The following STAT4 variants were observed in gnomAD, a reference collection of about 807,000 sequenced individuals.
STAT4 encodes signal transducer and activator of transcription 4.
STAT4 carries 42 observed loss-of-function variants against 110.5 expected under a neutral mutation model. The observed-to-expected ratio is 0.38, with a 90% confidence interval of 0.30 to 0.49. STAT4 has a LOEUF of 0.49. Among genes scored for constraint, STAT4 ranks in the 20% least tolerant of loss-of-function variants. STAT4 has a pLI of 0.95. For missense variants in STAT4, 632 were observed against 887.9 expected (o/e 0.71, Z 3.66); for synonymous variants, 284 against 302.2 (o/e 0.94, Z 0.63).
At chr2:191,047,484 T>C (rs538163004) in intron 14 of STAT4, among the ~76,000 whole-genome samples, 2 of 152,224 alleles carry the variant, frequency 1.3e-5, no homozygotes, top group Admixed American at 1.3e-4. Context: ...TAAAGAGTGT[T>C]AGAATTGGGT....
At chr2:191,087,939 A>C (rs954400065) in intron 3 of STAT4, among the ~76,000 whole-genome samples, 6 of 152,206 alleles carry the variant, frequency 3.9e-5, no homozygotes, top group African/African-American at 1.4e-4. Context: ...AATATACTTA[A>C]TGGTCAGAAA....
Position 191,143,292 on chromosome 2 carries a change from C to T in STAT4, c.273+3321G>A, listed in dbSNP as rs1013272319. Among the ~76,000 whole-genome samples, 1 of 152,168 alleles carries T rather than the reference C, an allele frequency of 6.6e-6. No individual in the cohort carries two copies. The highest frequency in any genetic ancestry group is 2.4e-5 in the African/African-American group (1 of 41,426). Reference sequence around the variant, plus strand: ...TTTTAGAATCAATTATCTCCATACTCCTAACATTTCTGTGAGGAAAGTACC... The same window carrying T: ...TTTTAGAATCAATTATCTCCATACTTCTAACATTTCTGTGAGGAAAGTACC... On this transcript the variant is annotated intron_variant, in intron 3 of 23. Transcript: ENST00000392320. This position sits in a 1 kb window ranked among gnomAD's most constrained non-coding sequence, Gnocchi z 5.6.
chr2:191,142,940 C>T lies in STAT4; in HGVS notation c.273+3673G>A, dbSNP rs952280920. ...CATTGTCAAAACCCATAAAATTATACAACACAAGGAGTGAATCTTAATGTA... is the reference window on the plus strand; with the variant it reads ...CATTGTCAAAACCCATAAAATTATATAACACAAGGAGTGAATCTTAATGTA... On this transcript the variant is annotated intron_variant, in intron 3 of 23. Coordinates refer to ENST00000392320, the MANE Select transcript of STAT4 (RefSeq NM_003151.4). This position sits in a 1 kb window ranked among gnomAD's most constrained non-coding sequence, Gnocchi z 4.1. 6.6e-6 allele frequency among the ~76,000 whole-genome samples: 1 copy of T among 151,992 alleles called. No individual in the cohort carries two copies.
rs1285264112 is a variant in STAT4, at chr2:191,032,412, G to A, written c.2044+546C>T. 1.3e-5 allele frequency: 2 copies of A among 152,326 alleles called. No homozygotes were observed. Among genetic ancestry groups the A allele is most frequent in the African/African-American group, 4.8e-5 (2 of 41,438 alleles). The allele number at this position is 152,326 out of a possible 1,614,324, so 9.4% of individuals were successfully genotyped here. On this transcript the variant is annotated intron_variant, in intron 21 of 23. Coordinates refer to ENST00000392320, the MANE Select transcript of STAT4 (RefSeq NM_003151.4). This position sits in a 1 kb window ranked among gnomAD's most constrained non-coding sequence, Gnocchi z 4.9. The stretch of plus-strand genomic sequence containing the variant: ...AGCCAGACATTGCTCTAGGTCCTAG[G>A]ATACAACCAGGAAAGGTAGGCTGGG...
At chr2:191,121,079 A>G (rs1290005482) in intron 3 of STAT4, among the ~76,000 whole-genome samples, 3 of 152,220 alleles carry the variant, frequency 2.0e-5, no homozygotes, top group African/African-American at 7.2e-5. Context: ...TTACAAGAAA[A>G]AAACAAACAA....
intron 16 of STAT4, among the ~76,000 whole-genome samples, chr2:191,038,745 T>G (rs1696110857): frequency 6.6e-6 from 1 of 152,172 alleles, no homozygotes; most frequent in Non-Finnish European, 1.5e-5. Context: ...GTAATCCACT[T>G]GAAAATGTGC....
chr2:191,131,442 A>G, intron 3 of STAT4: 1 of 161,198 alleles, frequency 6.2e-6, no homozygotes, highest in Non-Finnish European at 1.3e-5. Context: ...AACCACGCTG[A>G]GTGAAGAAAG....
At chr2:191,136,962 C>T (rs192516867) in intron 3 of STAT4, among the ~76,000 whole-genome samples, 1 of 152,072 alleles carries the variant, frequency 6.6e-6, no homozygotes, top group African/African-American at 2.4e-5. Flanking sequence ...ATTTATAATA[C>T]CTATAAAAAA....
intron 3 of STAT4, among the ~76,000 whole-genome samples, chr2:191,087,927 G>A (rs774363027): frequency 7.9e-5 from 12 of 152,138 alleles, no homozygotes; most frequent in Admixed American, 2.6e-4. Flanking sequence ...AAATCTACAG[G>A]TAATATACTT....
In STAT4 at chr2:191,104,766, C is replaced by G. The variant is rs946694341; in HGVS notation, c.274-28441G>C. 6.6e-6 allele frequency among the ~76,000 whole-genome samples: 1 copy of G among 152,112 alleles called. No individual in the cohort carries two copies. Among genetic ancestry groups the G allele is most frequent in the Non-Finnish European group, 1.5e-5 (1 of 68,008 alleles). On this transcript the variant is annotated intron_variant, in intron 3 of 23. Coordinates refer to ENST00000392320, the MANE Select transcript of STAT4 (RefSeq NM_003151.4). The surrounding 1 kb of genome is among the most constrained non-coding windows in gnomAD (Gnocchi z 4.3). ...CTTTGCAAAGATTCTCTCTATTACT[C>G]TTTTATTTTGCTGCCAACTGGTAAA...
At chr2:191,047,161 G>A (rs1197018601) in intron 14 of STAT4, among the ~76,000 whole-genome samples, 2 of 152,198 alleles carry the variant, frequency 1.3e-5, no homozygotes, top group Non-Finnish European at 2.9e-5. Context: ...GGTGCTAGGA[G>A]GGTGGCGCAC....
In STAT4 at chr2:191,091,609, A is replaced by G. The variant is rs528740380; in HGVS notation, c.274-15284T>C. On this transcript the variant is annotated intron_variant, in intron 3 of 23. Transcript: ENST00000392320. This position sits in a 1 kb window ranked among gnomAD's most constrained non-coding sequence, Gnocchi z 5.4. The stretch of plus-strand genomic sequence containing the variant: ...TGATCTTAAAGTTCATATGTGACAG[A>G]AAATGTCTGACAACAGCTATGATAG... Among the ~76,000 whole-genome samples the G allele has an allele frequency of 6.6e-6, 1 of 152,336 alleles. No homozygotes were observed. Among genetic ancestry groups the G allele is most frequent in the Non-Finnish European group, 1.5e-5 (1 of 68,028 alleles).
In STAT4 at chr2:191,104,672, T is replaced by G. The variant is rs964556084; in HGVS notation, c.274-28347A>C. Among the ~76,000 whole-genome samples the G allele has an allele frequency of 2.0e-5, 3 of 152,160 alleles. No homozygotes were observed. The highest frequency in any genetic ancestry group is 4.4e-5 in the Non-Finnish European group (3 of 68,016). On this transcript the variant is annotated intron_variant, in intron 3 of 23. Transcript: ENST00000392320. The surrounding 1 kb of genome is among the most constrained non-coding windows in gnomAD (Gnocchi z 4.3). The stretch of plus-strand genomic sequence containing the variant: ...CATTTTATAAAACATAAAACACTCC[T>G]CCCCATATGATTTGAAAGGATATAT...
At chr2:191,096,067 A>G (rs1697969736) in intron 3 of STAT4, among the ~76,000 whole-genome samples, 1 of 152,202 alleles carries the variant, frequency 6.6e-6, no homozygotes, top group Non-Finnish European at 1.5e-5. Flanking sequence ...AGACTAAACC[A>G]GGAAGAAGTT....
chr2:191,098,965 T>A (rs909563290), intron 3 of STAT4, among the ~76,000 whole-genome samples: 1 of 151,478 alleles, frequency 6.6e-6, no homozygotes, highest in Non-Finnish European at 1.5e-5. Flanking sequence ...AAAAAATAAT[T>A]ATTAATATAT....
At position 191,083,118 on chromosome 2, in the gene STAT4, G is replaced by T. The variant is rs1416566238; in HGVS notation, c.274-6793C>A. 1.3e-5 allele frequency among the ~76,000 whole-genome samples: 2 copies of T among 152,152 alleles called. No homozygotes were observed. Among genetic ancestry groups the T allele is most frequent in the African/African-American group, 4.8e-5 (2 of 41,434 alleles). ...CTGAGGAAACACATAACCAACAACT[G>T]TCCTAGCTTGGGTTTCTTCAGAAAC... is the stretch of plus-strand genomic sequence containing the variant. On this transcript the variant is annotated intron_variant, in intron 3 of 23. Coordinates refer to ENST00000392320, the MANE Select transcript of STAT4 (RefSeq NM_003151.4). The surrounding 1 kb of genome is among the most constrained non-coding windows in gnomAD (Gnocchi z 4.6).
At chr2:191,111,590 T>C (rs1479700238) in intron 3 of STAT4, among the ~76,000 whole-genome samples, 3 of 152,222 alleles carry the variant, frequency 2.0e-5, no homozygotes, top group Admixed American at 1.3e-4. Context: ...TGATGGCTCA[T>C]GCCTGTAATC....
rs1695850915 is a variant in STAT4 at position 191,030,254 on chromosome 2, CA to C, written c.2221-389del. Among the ~76,000 whole-genome samples, 1 of 152,072 alleles carries C rather than the reference CA, an allele frequency of 6.6e-6. No homozygotes were observed. The highest frequency in any genetic ancestry group is 2.4e-5 in the African/African-American group (1 of 41,404). ...AATCTTCAAGAGAAGGACTAAAAGC[CA>C]GCCAGATAAAAATTTTTTGAGGCTT... On this transcript the variant is annotated intron_variant, in intron 23 of 23. Coordinates refer to ENST00000392320, the MANE Select transcript of STAT4 (RefSeq NM_003151.4). This position sits in a 1 kb window ranked among gnomAD's most constrained non-coding sequence, Gnocchi z 4.4.
rs1341413341 is a variant in STAT4, at chr2:191,116,898, C to T, written c.273+29715G>A. Among the ~76,000 whole-genome samples the T allele has an allele frequency of 1.3e-5, 2 of 152,176 alleles. No homozygotes were observed. Among genetic ancestry groups the T allele is most frequent in the East Asian group, 1.9e-4 (1 of 5,204 alleles). On this transcript the variant is annotated intron_variant, in intron 3 of 23. Coordinates refer to ENST00000392320, the MANE Select transcript of STAT4 (RefSeq NM_003151.4). This position sits in a 1 kb window ranked among gnomAD's most constrained non-coding sequence, Gnocchi z 4.1. ...AGTAAATAAATCTTTGGGAATCCAT[C>T]GCTTCCACTAAGAAAGCAACTCAAA...
Sources: gnomAD v4.1 joint callset for allele counts (sites outside exome capture counted in the v4.1 genomes callset) on GRCh38, gnomAD v4.1.1 for gene constraint, Gnocchi (gnomAD v3.1) non-coding constraint, MANE v1.5 for transcripts, NCBI Gene and HGNC (gene_info 2026-07-23, HGNC 2026-07-21) for gene names.